EDNRB: variants seen among roughly 807,000 people sequenced by gnomAD.
EDNRB encodes the protein Hirschsprung disease 2.
EDNRB carries 18 observed loss-of-function variants against 46.4 expected under a neutral mutation model. That is an observed-to-expected ratio of 0.39 (90% CI 0.27 to 0.57). The LOEUF (loss-of-function observed/expected upper bound fraction) is 0.57, where lower values mean the gene tolerates loss of function less well. EDNRB is among the 20% of genes least tolerant of loss of function. EDNRB has a pLI of 0.61. For synonymous variants in EDNRB, 213 were observed against 204.9 expected, an observed-to-expected ratio of 1.04 and a Z score of -0.34; for missense variants, 434 against 537.5, an observed-to-expected ratio of 0.81 and a Z score of 1.90.
chr13:77,975,165 C>G (rs935710566), intron 1 of EDNRB, among the ~76,000 whole-genome samples: 3 of 152,164 alleles, frequency 2.0e-5, no homozygotes, highest in Admixed American at 1.3e-4. Context: ...GGCACACCAT[C>G]GGTGATCAGG....
chr13:77,896,923 T>C lies in EDNRB; in HGVS notation c.*1277A>G. 2 of 995,202 alleles carry C rather than the reference T, an allele frequency of 2.0e-6. No homozygotes were observed. Among genetic ancestry groups the C allele is most frequent in the Non-Finnish European group, 2.4e-6 (2 of 836,538 alleles). The allele number at this position is 995,202 out of a possible 1,614,324, so 61.6% of individuals were successfully genotyped here. A position where few individuals can be genotyped will look rare whatever the true frequency, so the allele number is the denominator to read the frequency against. The stretch of plus-strand genomic sequence containing the variant: ...CGGTCTCAAAAAGCAGTTTTGCCTC[T>C]AGATGAAAGAAAAGCACCATGTCAA... On this transcript the variant is annotated 3_prime_UTR_variant, in exon 7 of 7. Transcript: ENST00000646607.
intron 1 of EDNRB, among the ~76,000 whole-genome samples, chr13:77,915,043 G>T (rs573466986): frequency 6.6e-6 from 1 of 151,988 alleles, no homozygotes; most frequent in Non-Finnish European, 1.5e-5. Flanking sequence ...AGAAATCACT[G>T]GTTTAGATTT....
upstream of EDNRB, among the ~76,000 whole-genome samples, chr13:77,923,860 C>A (rs897762476): frequency 1.3e-5 from 2 of 151,612 alleles, no homozygotes; most frequent in Admixed American, 1.3e-4. Flanking sequence ...AGGAGAATTC[C>A]CACAGCAGGC....
chr13:77,896,353 T>A lies in EDNRB; in HGVS notation c.*1847A>T. On this transcript the variant is annotated 3_prime_UTR_variant, in exon 7 of 7. Coordinates refer to ENST00000646607, the MANE Select transcript of EDNRB (RefSeq NM_001122659.3). Reference sequence around the variant, plus strand: ...AATTGAGAGTCTAAAATGACTTCTATGATAACAGGCCTCTGAAAAAGTGAT... The same window carrying A: ...AATTGAGAGTCTAAAATGACTTCTAAGATAACAGGCCTCTGAAAAAGTGAT... The A allele has an allele frequency of 7.2e-7, 1 of 1,379,416 alleles. No homozygotes were observed. Among genetic ancestry groups the A allele is most frequent in the Admixed American group, 3.2e-5 (1 of 30,984 alleles). 85.4% of individuals were successfully genotyped at this position (1,379,416 alleles called of 1,614,324 possible). A position where few individuals can be genotyped will look rare whatever the true frequency, so the allele number is the denominator to read the frequency against.
chr13:77,929,580 T>G (rs7333359), intron 1 of EDNRB, among the ~76,000 whole-genome samples: 84,575 of 152,010 alleles, frequency 0.56, 24,300 homozygotes, highest in Middle Eastern at 0.67. Context: ...TCTTCTGAAG[T>G]TTAGATGCTG....
chr13:77,933,824 G>C (rs1880473081), intron 1 of EDNRB, among the ~76,000 whole-genome samples: 1 of 152,124 alleles, frequency 6.6e-6, no homozygotes, highest in African/African-American at 2.4e-5. Flanking sequence ...GTGGTAAGGA[G>C]TGATATTGTG....
At chr13:77,908,045 G>GAA (rs1455656556) in intron 1 of EDNRB, among the ~76,000 whole-genome samples, 1,218 of 38,048 alleles carry the variant, frequency 0.032, 14 homozygotes, top group Non-Finnish European at 0.059. Context: ...AAAAAAAAAA[G>GAA]AGAGAGAGAG....
chr13:77,900,803 G>A, intron 4 of EDNRB, 149 bp from the exon 5 acceptor site: 3 of 1,274,416 alleles, frequency 2.4e-6, no homozygotes, highest in Non-Finnish European at 2.2e-6. Context: ...AATAGTTAAT[G>A]TGAAGTGGAA....
chr13:77,902,776 T>A (rs1879066080), intron 3 of EDNRB, among the ~76,000 whole-genome samples: 1 of 152,002 alleles, frequency 6.6e-6, no homozygotes, highest in Non-Finnish European at 1.5e-5. Context: ...TGCTCCATTG[T>A]GAGACACAAC....
At chr13:77,906,191 T>C (rs1879270470) in intron 1 of EDNRB, among the ~76,000 whole-genome samples, 1 of 151,858 alleles carries the variant, frequency 6.6e-6, no homozygotes, top group South Asian at 2.1e-4. Flanking sequence ...ACCATGTGCA[T>C]GGTGAAGCCA....
At chr13:77,919,570 G>T (rs200054437), upstream of EDNRB, 392 of 1,611,820 alleles carry the variant, frequency 2.4e-4, no homozygotes, top group Non-Finnish European at 3.2e-4. Flanking sequence ...AGCCTCCACC[G>T]TTTGCTCGGG....
chr13:77,960,642 T>A (rs1881380069), intron 1 of EDNRB, among the ~76,000 whole-genome samples: 1 of 152,018 alleles, frequency 6.6e-6, no homozygotes, highest in Admixed American at 6.6e-5. Context: ...ATGAGCAAAA[T>A]AACCAGTTAT....
intron 1 of EDNRB, among the ~76,000 whole-genome samples, chr13:77,972,086 C>T (rs373895968): frequency 5.3e-4 from 80 of 152,288 alleles, no homozygotes; most frequent in Admixed American, 2.4e-3. Context: ...TGTTGGGAAG[C>T]GGAAGCTGGA....
intron 1 of EDNRB, among the ~76,000 whole-genome samples, chr13:77,953,732 A>G (rs1400557664): frequency 6.6e-6 from 1 of 152,192 alleles, no homozygotes; most frequent in Non-Finnish European, 1.5e-5. Flanking sequence ...ATGTTGAATG[A>G]AGTAAAGGGC....
At chr13:77,919,106 G>A (rs1594374555), upstream of EDNRB, 4 of 482,324 alleles carry the variant, frequency 8.3e-6, no homozygotes, top group East Asian at 1.3e-4. Context: ...GCGGATGAAA[G>A]CCGCTACTCC....
In EDNRB at chr13:77,916,713, C is replaced by T. The variant is rs188331833; in HGVS notation, c.483+1378G>A. On this transcript the variant is annotated intron_variant, in intron 1 of 6. Transcript: ENST00000646607. The stretch of plus-strand genomic sequence containing the variant: ...TTCCCTACAACATTTCCCAACTTTA[C>T]ATTCCATTTTTTTCCCCTTGTACTG... Among the ~76,000 whole-genome samples, 221 of 152,308 alleles carry T rather than the reference C, an allele frequency of 1.5e-3. 1 individual carries two copies. Among genetic ancestry groups the T allele is most frequent in the Non-Finnish European group, 1.3e-3 (89 of 68,022 alleles).
chr13:77,929,532 T>C (rs945468335), intron 1 of EDNRB, among the ~76,000 whole-genome samples: 1 of 152,230 alleles, frequency 6.6e-6, no homozygotes, highest in East Asian at 1.9e-4. Flanking sequence ...GACTAAGATC[T>C]GTCTATGTTA....
chr13:77,956,086 T>G (rs554369236), intron 1 of EDNRB, among the ~76,000 whole-genome samples: 1 of 152,292 alleles, frequency 6.6e-6, no homozygotes, highest in Admixed American at 6.5e-5. Flanking sequence ...TTGACAGAGA[T>G]TGGATCGAAT....
At chr13:77,937,532 C>T (rs548499055) in intron 1 of EDNRB, among the ~76,000 whole-genome samples, 1 of 152,256 alleles carries the variant, frequency 6.6e-6, no homozygotes, top group African/African-American at 2.4e-5. Context: ...AGCCTAAATG[C>T]TGACTGATCT....
Sources: gnomAD v4.1 joint callset for allele counts (sites outside exome capture counted in the v4.1 genomes callset) on GRCh38, gnomAD v4.1.1 for gene constraint, MANE v1.5 for transcripts, NCBI Gene and HGNC (gene_info 2026-07-23, HGNC 2026-07-21) for gene names.